Variants in ETV1 observed in about 807,000 individuals in gnomAD.
ETV1 encodes the protein ETS translocation variant 1.
Under a neutral mutation model 62.3 loss-of-function variants are expected in ETV1, and 27 were observed. The ratio of observed to expected loss-of-function variants is 0.43; its 90% CI spans 0.32 to 0.60. The LOEUF (loss-of-function observed/expected upper bound fraction) is 0.60, where lower values mean the gene tolerates loss of function less well. Among genes scored for constraint, ETV1 ranks in the 20% least tolerant of loss-of-function variants. The pLI is 0.06. For synonymous variants in ETV1, 222 were observed against 199.6 expected (o/e 1.11, Z -0.94); for missense variants, 605 against 605.8 (o/e 1.00, Z 0.01).
chr7:13,986,159 A>G, intron 5 of ETV1: 1 of 1,594,742 alleles, frequency 6.3e-7, no homozygotes, highest in Non-Finnish European at 8.5e-7. Flanking sequence ...AGACACTTGC[A>G]CTTAAATCTT....
chr7:13,988,973 G>T, intron 3 of ETV1, 35 bp downstream of exon 3: 1 of 1,566,096 alleles, frequency 6.4e-7, no homozygotes, highest in Non-Finnish European at 8.7e-7. Context: ...ACGGAGTCAA[G>T]TTTATAAACA....
At chr7:13,925,061 C>A (rs1426145435) in intron 9 of ETV1, among the ~76,000 whole-genome samples, 1 of 152,168 alleles carries the variant, frequency 6.6e-6, no homozygotes, top group Non-Finnish European at 1.5e-5. Context: ...CTCACCTCTA[C>A]CCTCTGCTTT....
At chr7:13,917,099 G>A (rs932176795) in intron 9 of ETV1, among the ~76,000 whole-genome samples, 1 of 151,956 alleles carries the variant, frequency 6.6e-6, no homozygotes, top group Non-Finnish European at 1.5e-5. Flanking sequence ...AACTTCTCTT[G>A]TAAGCACCTG....
At chr7:13,937,230 T>C (rs1286622828) in intron 7 of ETV1, among the ~76,000 whole-genome samples, 1 of 152,248 alleles carries the variant, frequency 6.6e-6, no homozygotes, top group African/African-American at 2.4e-5. Context: ...AAGGCAGCTC[T>C]TGCTTCAAAG....
chr7:13,893,421 G>C lies in ETV1; in HGVS notation c.*2445C>G, dbSNP rs548731577. On this transcript the variant is annotated 3_prime_UTR_variant, in exon 14 of 14. Transcript: ENST00000430479. ...TAATATTTTCAACCCTTCTGTATTG[G>C]AAATACACTTAATGTTGGTCAATTA... The C allele has an allele frequency of 9.1e-5, 21 of 230,448 alleles. No homozygotes were observed. Among genetic ancestry groups the C allele is most frequent in the Admixed American group, 3.4e-4 (6 of 17,728 alleles). 14.3% of individuals were successfully genotyped at this position (230,448 alleles called of 1,614,324 possible).
At chr7:13,918,874 T>TAAAAAAAAAAAAAA (rs370489670) in intron 9 of ETV1, among the ~76,000 whole-genome samples, 1 of 141,680 alleles carries the variant, frequency 7.1e-6, no homozygotes, top group African/African-American at 2.6e-5. Context: ...TAAAGTATAA[T>TAAAAAAAAAAAAAA]AAAAAAAAAA....
intron 6 of ETV1, among the ~76,000 whole-genome samples, chr7:13,945,843 G>A (rs567946184): frequency 6.6e-6 from 1 of 152,300 alleles, no homozygotes; most frequent in East Asian, 1.9e-4. Context: ...CTTCCCACAT[G>A]GAGTTGGTGC....
In ETV1 at chr7:13,895,893, G is replaced by T; in HGVS notation, c.1407C>A (p.His469Gln). ...AATACACGTAGCCTTCGTTGTAGGG[G>T]TGGGGGTTGCAGCAGCCCCCTTCCG... ...YMPEGGCCNPHPYNEGYVY is the reference protein window; with the variant it reads ...YMPEGGCCNPQPYNEGYVY The change falls in exon 14 of 14, where the codon CAC becomes CAA. Residue 469 changes from histidine to glutamine, a missense_variant. By Grantham distance (24) the His-to-Gln change is conservative (BLOSUM62 0). Coordinates refer to ENST00000430479, the MANE Select transcript of ETV1 (RefSeq NM_004956.5). The T allele has an allele frequency of 6.2e-7, 1 of 1,613,528 alleles. No individual in the cohort carries two copies.
chr7:13,968,821 A>C (rs1230808323), intron 6 of ETV1, among the ~76,000 whole-genome samples: 1 of 152,202 alleles, frequency 6.6e-6, no homozygotes, highest in African/African-American at 2.4e-5. Flanking sequence ...GTAAAGGTTA[A>C]GAGACATACC....
At chr7:13,932,436 A>C (rs904172819) in intron 8 of ETV1, among the ~76,000 whole-genome samples, 1 of 152,186 alleles carries the variant, frequency 6.6e-6, no homozygotes, top group Admixed American at 6.5e-5. Context: ...AATAGATTCA[A>C]ATACAGTATC....
chr7:13,970,263 A>AACACACACACACACACACACACACACAC (rs71033966), intron 6 of ETV1, among the ~76,000 whole-genome samples: 1 of 126,606 alleles, frequency 7.9e-6, no homozygotes, highest in African/African-American at 3.2e-5. Flanking sequence ...CCCATCTCAA[A>AACACACACACACACACACACACACACAC]ACACACACAC....
Position 13,909,621 on chromosome 7 carries a change from G to A in ETV1, c.940+11C>T. ...AAAAAATCAGAACTTGAGGCAAAGT[G>A]TAAAACCTACCATCGAATTTTTCTG... On this transcript the variant is annotated intron_variant, in intron 11 of 13. Transcript: ENST00000430479. 1.2e-6 allele frequency: 2 copies of A among 1,609,046 alleles called. No individual in the cohort carries two copies. The highest frequency in any genetic ancestry group is 1.1e-5 in the South Asian group (1 of 90,770).
At chr7:13,969,230 T>C (rs1780620873) in intron 6 of ETV1, among the ~76,000 whole-genome samples, 1 of 152,166 alleles carries the variant, frequency 6.6e-6, no homozygotes, top group African/African-American at 2.4e-5. Flanking sequence ...CAGCAATGAC[T>C]TTCTCACAGC....
chr7:13,970,619 G>T (rs1046691742), intron 6 of ETV1, among the ~76,000 whole-genome samples: 1 of 152,142 alleles, frequency 6.6e-6, no homozygotes. Context: ...AACGAAAGAA[G>T]ATGAAGTTTT....
upstream of ETV1, chr7:13,991,181 G>C (rs1163622515): frequency 2.0e-5 from 3 of 152,258 alleles, no homozygotes; most frequent in Non-Finnish European, 4.4e-5. Flanking sequence ...ATTCCAGGAA[G>C]CGCCTGGGCC....
chr7:13,980,068 A>T (rs1781834825), intron 5 of ETV1, among the ~76,000 whole-genome samples: 1 of 152,192 alleles, frequency 6.6e-6, no homozygotes, highest in Non-Finnish European at 1.5e-5. Flanking sequence ...TTTCTGTTCT[A>T]ACTCCTTAAC....
chr7:13,940,786 A>T, intron 6 of ETV1, among the ~76,000 whole-genome samples: 1 of 152,370 alleles, frequency 6.6e-6, no homozygotes, highest in East Asian at 1.9e-4. Context: ...AATTTTTAAC[A>T]TAAAAATTTG....
intron 13 of ETV1, among the ~76,000 whole-genome samples, chr7:13,898,750 C>A (rs1782097507): frequency 6.6e-6 from 1 of 152,068 alleles, no homozygotes; most frequent in South Asian, 2.1e-4. Context: ...AATTCAACAT[C>A]ATAGTTTTTG....
At chr7:13,976,578 T>A (rs1754215204) in intron 6 of ETV1, among the ~76,000 whole-genome samples, 1 of 152,170 alleles carries the variant, frequency 6.6e-6, no homozygotes, top group Non-Finnish European at 1.5e-5. Context: ...CAAATTTAGA[T>A]GTCACCAACA....
Sources: allele counts gnomAD v4.1 joint callset (sites outside exome capture counted in the v4.1 genomes callset), GRCh38; gene constraint gnomAD v4.1.1; transcripts MANE v1.5; gene names NCBI Gene and HGNC (gene_info 2026-07-23, HGNC 2026-07-21).